The following TRA2A variants were observed in gnomAD, a reference collection of about 807,000 sequenced individuals.
TRA2A encodes the protein transformer-2 protein homolog alpha.
In TRA2A, 31 loss-of-function variants were observed where a neutral mutation model predicts 45.7. The ratio of observed to expected loss-of-function variants is 0.68; its 90% CI spans 0.51 to 0.92. TRA2A has a LOEUF of 0.92. TRA2A is among the 40% of genes least tolerant of loss of function. TRA2A has a pLI of 0.00. For synonymous variants in TRA2A, 132 were observed against 126.2 expected, an observed-to-expected ratio of 1.05 and a Z score of -0.31; for missense variants, 304 against 367.5, an observed-to-expected ratio of 0.83 and a Z score of 1.41.
intron 3 of TRA2A, among the ~76,000 whole-genome samples, chr7:23,513,921 G>GT (rs1789742061): frequency 1.3e-5 from 2 of 152,116 alleles, no homozygotes; most frequent in Non-Finnish European, 2.9e-5. Context: ...GTTGAGAAAG[G>GT]TAAAAACACC....
chr7:23,526,050 T>C (rs904666864), intron 1 of TRA2A, among the ~76,000 whole-genome samples: 1 of 152,216 alleles, frequency 6.6e-6, no homozygotes, highest in Non-Finnish European at 1.5e-5. Context: ...TGTGTTAAAA[T>C]AGAGTTGTAT....
chr7:23,505,977 C>T (rs942278989), intron 6 of TRA2A, 161 bp downstream of exon 6: 5 of 732,516 alleles, frequency 6.8e-6, no homozygotes, highest in South Asian at 4.6e-5. Context: ...TATAGCACAA[C>T]AAAATACTGA....
intron 4 of TRA2A, among the ~76,000 whole-genome samples, chr7:23,508,657 G>A (rs1243618691): frequency 6.6e-6 from 1 of 152,138 alleles, no homozygotes; most frequent in Non-Finnish European, 1.5e-5. Context: ...ACCATGCCCA[G>A]CTAATTTTTT....
At position 23,515,223 on chromosome 7, in the gene TRA2A, CTTTTTTTTTTTT is replaced by C. The variant is rs767953060; in HGVS notation, c.336+1128_336+1139del. 1.9e-4 allele frequency among the ~76,000 whole-genome samples: 18 copies of C among 96,784 alleles called. No individual in the cohort carries two copies. In the East Asian group the frequency reaches 2.0e-3, roughly 11 times the overall value. The allele number at this position is 96,784 out of a possible 152,430, so 63.5% of individuals were successfully genotyped here. On this transcript the variant is annotated intron_variant, in intron 3 of 7. Transcript: ENST00000297071. ...TCACTTGAATTCGTGGAACATATTT[CTTTTTTTTTTTT>C]TTTTTTTTTTTTGAGACGGAGTCTC... is the stretch of plus-strand genomic sequence containing the variant.
chr7:23,507,396 A>G, intron 5 of TRA2A, 24 bp downstream of exon 5: 3 of 1,576,360 alleles, frequency 1.9e-6, no homozygotes, highest in Non-Finnish European at 2.6e-6. Flanking sequence ...TTCATAGTTT[A>G]GCTTAGGAAA....
intron 3 of TRA2A, among the ~76,000 whole-genome samples, chr7:23,515,639 G>A (rs904271754): frequency 6.6e-6 from 1 of 151,982 alleles, no homozygotes; most frequent in Non-Finnish European, 1.5e-5. Context: ...TCCACCTCCT[G>A]GGTTCAAGGG....
Position 23,531,795 on chromosome 7 carries a change from C to G in TRA2A, c.30G>C (p.Glu10Asp), listed in dbSNP as rs753881405. Residue 10 changes from glutamate (E) to aspartate (D), a missense_variant, in exon 1 of 8, where the codon GAG (glutamate) becomes GAC (aspartate). By Grantham distance (45) the Glu-to-Asp change is conservative. Transcript: ENST00000297071. MSDVEENNF[E>D]GRESRSQSKS... ...CCCGCGGCTTTGTACTCACTCTGCC[C>G]TCGAAGTTGTTTTCCTCCACATCAC... The G allele has an allele frequency of 6.2e-7, 1 of 1,613,716 alleles. No individual in the cohort carries two copies. The highest frequency in any genetic ancestry group is 2.2e-5 in the East Asian group (1 of 44,882).
At chr7:23,507,292 A>C in intron 5 of TRA2A, 128 bp downstream of exon 5, 1 of 693,692 alleles carries the variant, frequency 1.4e-6, no homozygotes, top group Non-Finnish European at 2.5e-6. Context: ...TAGTAGAAGC[A>C]GGGTTTTGCC....
intron 1 of TRA2A, among the ~76,000 whole-genome samples, chr7:23,526,846 T>A (rs1393923149): frequency 6.6e-6 from 1 of 152,190 alleles, no homozygotes; most frequent in Non-Finnish European, 1.5e-5. Flanking sequence ...CATATTCTAA[T>A]TCTGTATGTT....
At chr7:23,513,161 C>A in intron 3 of TRA2A, 79 bp from the exon 4 acceptor site, 2 of 967,898 alleles carry the variant, frequency 2.1e-6, no homozygotes, top group East Asian at 2.6e-5. Flanking sequence ...GTTTAGAACA[C>A]CTCATCTAAT....
At position 23,521,933 on chromosome 7, in the gene TRA2A, C is replaced by G; in HGVS notation, c.37-93G>C. 3 of 1,538,130 alleles carry G rather than the reference C, an allele frequency of 2.0e-6. No individual in the cohort carries two copies. The South Asian group carries it at 3.6e-5, about 18-fold the overall frequency. On this transcript the variant is annotated intron_variant, in intron 1 of 7. Coordinates refer to ENST00000297071, the MANE Select transcript of TRA2A (RefSeq NM_013293.5). ...ACCGTAATTATTTATATTGATTGCT[C>G]CTGAAAAACAAATGGTTAGACAACA...
chr7:23,505,916 G>A (rs935115869), intron 6 of TRA2A, 103 bp from the exon 7 acceptor site: 2 of 755,944 alleles, frequency 2.6e-6, no homozygotes, highest in African/African-American at 1.8e-5. Context: ...TACCTAAGGT[G>A]ATAACTACTT....
rs555738561 is a variant in TRA2A, at chr7:23,506,029, A to G, written c.770+109T>C. On this transcript the variant is annotated intron_variant, in intron 6 of 7. Coordinates refer to ENST00000297071, the MANE Select transcript of TRA2A (RefSeq NM_013293.5). ...ACTTCTGCTCCCAAAGGCGTCATATATGATCTATTTTAAAAATCAAGTTTT... is the reference window on the plus strand; with the variant it reads ...ACTTCTGCTCCCAAAGGCGTCATATGTGATCTATTTTAAAAATCAAGTTTT... The G allele has an allele frequency of 2.5e-5, 25 of 1,001,220 alleles. No individual in the cohort carries two copies. The African/African-American group carries it at 2.7e-4, about 11-fold the overall frequency. 62.0% of individuals were successfully genotyped at this position (1,001,220 alleles called of 1,614,324 possible). A position where few individuals can be genotyped will look rare whatever the true frequency, so the allele number is the denominator to read the frequency against.
intron 2 of TRA2A, among the ~76,000 whole-genome samples, chr7:23,518,675 G>GTT (rs199848477): frequency 5.3e-4 from 74 of 139,866 alleles, no homozygotes; most frequent in South Asian, 1.2e-3. Context: ...TTCATTTCTT[G>GTT]TTTTTTTTTT....
At chr7:23,527,835 G>C (rs770299100) in intron 1 of TRA2A, among the ~76,000 whole-genome samples, 1 of 152,020 alleles carries the variant, frequency 6.6e-6, no homozygotes, top group Non-Finnish European at 1.5e-5. Flanking sequence ...TCAAAATCTT[G>C]CCCTCTACTT....
At chr7:23,522,483 A>C in intron 1 of TRA2A, 1 of 886,086 alleles carries the variant, frequency 1.1e-6, no homozygotes, top group South Asian at 2.4e-5. Flanking sequence ...GGATTATAAA[A>C]CTCTGCTGGA....
chr7:23,510,640 T>A lies in TRA2A; in HGVS notation c.525+2254A>T, dbSNP rs530640979. On this transcript the variant is annotated intron_variant, in intron 4 of 7. Transcript: ENST00000297071. ...CACTGTGCCCGGCCTGCCATTTTAG[T>A]TTTATCCAGAAGTGGAAGGGGACAG... 3.3e-5 allele frequency among the ~76,000 whole-genome samples: 5 copies of A among 152,236 alleles called. No homozygotes were observed. The East Asian group carries it at 9.6e-4, about 29-fold the overall frequency.
chr7:23,508,134 C>G (rs767113032), intron 4 of TRA2A, among the ~76,000 whole-genome samples: 2 of 152,040 alleles, frequency 1.3e-5, no homozygotes, highest in Non-Finnish European at 2.9e-5. Context: ...TATAAACAGA[C>G]AAGAACAAAT....
At chr7:23,512,141 A>C (rs899185906) in intron 4 of TRA2A, among the ~76,000 whole-genome samples, 5 of 152,220 alleles carry the variant, frequency 3.3e-5, no homozygotes, top group African/African-American at 1.2e-4. Context: ...TAACCAAAAA[A>C]AGTGAAACTG....
Sources: gnomAD v4.1 joint callset for allele counts (sites outside exome capture counted in the v4.1 genomes callset) on GRCh38, gnomAD v4.1.1 for gene constraint, MANE v1.5 for transcripts, NCBI Gene and HGNC (gene_info 2026-07-23, HGNC 2026-07-21) for gene names.